The following NAALADL2 variants were observed in gnomAD, a reference collection of about 807,000 sequenced individuals.
NAALADL2 encodes the protein N-acetylated alpha-linked acidic dipeptidase like 2.
In NAALADL2, 76 loss-of-function variants were observed where a neutral mutation model predicts 87.2. The observed-to-expected ratio is 0.87, with a 90% CI of 0.72 to 1.05. The LOEUF is 1.05. Ranked by LOEUF, NAALADL2 falls within the 50% of genes least tolerant of loss-of-function variation. The probability of loss-of-function intolerance (pLI) is 0.00; values close to 1 mark genes in which losing one functional copy is unlikely to be tolerated. For missense variants in NAALADL2, 1,089 were observed against 945.8 expected (o/e 1.15, Z -1.99); for synonymous variants, 354 against 331.0 (o/e 1.07, Z -0.75).
At chr3:175,658,327 C>T (rs1199821023) in intron 11 of NAALADL2, among the ~76,000 whole-genome samples, 1 of 152,076 alleles carries the variant, frequency 6.6e-6, no homozygotes, top group East Asian at 1.9e-4. Flanking sequence ...AGGACTTCCT[C>T]AAATGTAACT....
chr3:175,781,739 T>A (rs1205325013), intron 13 of NAALADL2, among the ~76,000 whole-genome samples: 3 of 152,192 alleles, frequency 2.0e-5, no homozygotes, highest in Non-Finnish European at 4.4e-5. Flanking sequence ...ACTTTAAGTT[T>A]TAGGGTACAT....
chr3:174,820,013 G>T (rs931115166), intron 3 of NAALADL2, among the ~76,000 whole-genome samples: 2 of 152,050 alleles, frequency 1.3e-5, no homozygotes, highest in Non-Finnish European at 2.9e-5. Flanking sequence ...TCTAGTTATA[G>T]GCAGCTTCAG....
intron 2 of NAALADL2, among the ~76,000 whole-genome samples, chr3:174,577,700 G>A (rs1424536093): frequency 1.3e-5 from 2 of 151,996 alleles, no homozygotes; most frequent in African/African-American, 4.8e-5. Flanking sequence ...CAGAGTTTTT[G>A]CCAGGTATCC....
intron 5 of NAALADL2, among the ~76,000 whole-genome samples, chr3:175,332,229 A>G (rs1001014074): frequency 6.6e-6 from 1 of 152,166 alleles, no homozygotes; most frequent in Non-Finnish European, 1.5e-5. Flanking sequence ...CAATTATAAT[A>G]TTTGAAGGGA....
At chr3:175,445,990 A>G (rs1308906769) in intron 5 of NAALADL2, among the ~76,000 whole-genome samples, 1 of 152,082 alleles carries the variant, frequency 6.6e-6, no homozygotes, top group Non-Finnish European at 1.5e-5. Flanking sequence ...TCTCTTACTT[A>G]AGGATAACAA....
chr3:174,852,317 A>T (rs1177203187), intron 3 of NAALADL2, among the ~76,000 whole-genome samples: 1 of 152,124 alleles, frequency 6.6e-6, no homozygotes, highest in Non-Finnish European at 1.5e-5. Flanking sequence ...ATTTAGAAAA[A>T]CCTAAGTACT....
chr3:174,554,330 A>T (rs1336945494), intron 2 of NAALADL2, among the ~76,000 whole-genome samples: 1 of 152,084 alleles, frequency 6.6e-6, no homozygotes, highest in South Asian at 2.1e-4. Context: ...ATATTCATTT[A>T]TAACAGTTTA....
chr3:174,868,404 A>C (rs1727408343), intron 1 of NAALADL2, among the ~76,000 whole-genome samples: 1 of 152,166 alleles, frequency 6.6e-6, no homozygotes, highest in Non-Finnish European at 1.5e-5. Context: ...AAAATTAAAA[A>C]CATAAATATG....
intron 2 of NAALADL2, among the ~76,000 whole-genome samples, chr3:175,173,966 AT>A (rs66780267): frequency 0.84 from 126,795 of 151,812 alleles, 53,215 homozygotes; most frequent in East Asian, 0.93. Context: ...TTCAGTTTGA[AT>A]TTTTTTTTTA....
intron 1 of NAALADL2, among the ~76,000 whole-genome samples, chr3:174,985,971 CAAAA>C (rs989880987): frequency 6.6e-6 from 1 of 151,102 alleles, no homozygotes; most frequent in Non-Finnish European, 1.5e-5. Flanking sequence ...CAAAATAAAA[CAAAA>C]AAAAGCATGC....
intron 3 of NAALADL2, among the ~76,000 whole-genome samples, chr3:174,785,066 G>A (rs1716434337): frequency 6.6e-6 from 1 of 152,066 alleles, no homozygotes; most frequent in South Asian, 2.1e-4. Flanking sequence ...ACATGTGCAT[G>A]TTTGTTACAT....
chr3:174,929,062 T>C (rs1736492487), intron 1 of NAALADL2, among the ~76,000 whole-genome samples: 1 of 152,186 alleles, frequency 6.6e-6, no homozygotes, highest in South Asian at 2.1e-4. Context: ...TCTTAGGAGA[T>C]GACATTTGAG....
At chr3:174,816,920 T>A (rs1720876332) in intron 3 of NAALADL2, among the ~76,000 whole-genome samples, 1 of 152,182 alleles carries the variant, frequency 6.6e-6, no homozygotes, top group Non-Finnish European at 1.5e-5. Flanking sequence ...GATCTGGTAG[T>A]AAATCATATA....
intron 2 of NAALADL2, among the ~76,000 whole-genome samples, chr3:175,227,433 A>T (rs1744313402): frequency 1.3e-5 from 2 of 152,046 alleles, no homozygotes; most frequent in Non-Finnish European, 2.9e-5. Flanking sequence ...GGCCCGTGGA[A>T]ACCCTTATTT....
At chr3:174,558,175 A>C (rs1023518502) in intron 2 of NAALADL2, among the ~76,000 whole-genome samples, 5 of 152,158 alleles carry the variant, frequency 3.3e-5, no homozygotes, top group Admixed American at 1.3e-4. Context: ...GATGCCAGTC[A>C]AGGGCCAAAG....
At chr3:174,875,751 A>AT (rs1728426115) in intron 1 of NAALADL2, among the ~76,000 whole-genome samples, 1 of 152,088 alleles carries the variant, frequency 6.6e-6, no homozygotes, top group Non-Finnish European at 1.5e-5. Context: ...AATTTTTGGC[A>AT]TTTTTTCATA....
intron 9 of NAALADL2, among the ~76,000 whole-genome samples, chr3:175,526,809 G>A (rs1482544508): frequency 2.6e-5 from 4 of 152,084 alleles, no homozygotes; most frequent in Admixed American, 2.6e-4. Flanking sequence ...GGGGAAAACC[G>A]AGAGCATTAC....
intron 5 of NAALADL2, among the ~76,000 whole-genome samples, chr3:175,331,404 C>A (rs1384666436): frequency 1.3e-5 from 2 of 152,186 alleles, no homozygotes; most frequent in South Asian, 2.1e-4. Flanking sequence ...AATCATCAAC[C>A]AAATACTAGC....
intron 2 of NAALADL2, among the ~76,000 whole-genome samples, chr3:174,680,474 C>T (rs1044995510): frequency 6.6e-6 from 1 of 152,092 alleles, no homozygotes; most frequent in Admixed American, 6.6e-5. Flanking sequence ...CTTTAAGTAT[C>T]TTTGTTTTTT....
Sources: gnomAD v4.1 joint callset for allele counts (sites outside exome capture counted in the v4.1 genomes callset) on GRCh38, gnomAD v4.1.1 for gene constraint, MANE v1.5 for transcripts, NCBI Gene and HGNC (gene_info 2026-07-23, HGNC 2026-07-21) for gene names.